The following SLC4A5 variants were observed in gnomAD, a reference collection of about 807,000 sequenced individuals.
The protein encoded by SLC4A5 is solute carrier family 4 member 5, also known as electrogenic sodium bicarbonate cotransporter 4.
SLC4A5 carries 96 observed loss-of-function variants against 120.4 expected under a neutral mutation model. The observed-to-expected ratio is 0.80, with a 90% CI of 0.68 to 0.94. The LOEUF (loss-of-function observed/expected upper bound fraction) is 0.94, where lower values mean the gene tolerates loss of function less well. Ranked by LOEUF, SLC4A5 falls within the 40% of genes least tolerant of loss-of-function variation. The pLI, the probability that SLC4A5 is intolerant of heterozygous loss-of-function variation, is 0.00. For missense variants in SLC4A5, 1,259 were observed against 1,459.5 expected, an observed-to-expected ratio of 0.86 and a Z score of 2.24; for synonymous variants, 550 against 571.1, an observed-to-expected ratio of 0.96 and a Z score of 0.53.
At chr2:74,315,015 C>T (rs1239529920) in exon 6 of SLC4A5, 4 of 1,613,572 alleles carry the variant, frequency 2.5e-6, no homozygotes, top group South Asian at 2.2e-5. Flanking sequence ...TCTCCTCCTT[C>T]ACCTTCATGA....
rs1217047272 is a variant in SLC4A5 at position 74,267,422 on chromosome 2, ACATCAATT to A, written c.402-2166_402-2159del. Among the ~76,000 whole-genome samples the A allele has an allele frequency of 3.9e-5, 6 of 152,386 alleles. No individual in the cohort carries two copies. The East Asian group carries it at 1.2e-3, about 29-fold the overall frequency. On this transcript the variant is annotated intron_variant, in intron 8 of 30. Coordinates refer to ENST00000394019, the Ensembl canonical transcript of SLC4A5. Reference sequence around the variant, plus strand: ...CCAGGTTTTCAGTAGAAGCATGATTACATCAATTCTGTATGTCCATGTTGTGGAATATC... The same window carrying A: ...CCAGGTTTTCAGTAGAAGCATGATTACTGTATGTCCATGTTGTGGAATATC...
intron 4 of SLC4A5, among the ~76,000 whole-genome samples, chr2:74,330,796 GGCA>G (rs1208244902): frequency 1.3e-5 from 2 of 150,472 alleles, no homozygotes. Context: ...TCTAGATGGA[GGCA>G]GTGAGGTCTA....
At chr2:74,252,627 C>T (rs926563829) in intron 15 of SLC4A5, among the ~76,000 whole-genome samples, 5 of 152,172 alleles carry the variant, frequency 3.3e-5, no homozygotes, top group African/African-American at 1.2e-4. Context: ...AACTCTGTTG[C>T]CCAGGCTGGA....
chr2:74,304,813 T>C lies in SLC4A5; in HGVS notation c.80-133A>G, dbSNP rs573577185. On this transcript the variant is annotated intron_variant, in intron 6 of 30. Coordinates refer to ENST00000394019, the Ensembl canonical transcript of SLC4A5. ...GACATGGAGTGCCAGGATGGGGTCA[T>C]TGCCCTGAGGCTTGGGTTTGACCAA... 181 of 850,864 alleles carry C rather than the reference T, an allele frequency of 2.1e-4. 1 individual carries two copies. The African/African-American group carries it at 2.6e-3, about 12-fold the overall frequency. 52.7% of individuals were successfully genotyped at this position (850,864 alleles called of 1,614,324 possible).
At chr2:74,239,491 G>A in exon 21 of SLC4A5, 2 of 1,614,054 alleles carry the variant, frequency 1.2e-6, no homozygotes, top group Non-Finnish European at 1.7e-6. Flanking sequence ...ACTCCTTCTT[G>A]CTCAGCAGGG....
intron 6 of SLC4A5, chr2:74,307,135 TC>T (rs1672668382): frequency 3.6e-6 from 2 of 554,384 alleles, no homozygotes; most frequent in Admixed American, 4.6e-5. Flanking sequence ...TTCATGAGCA[TC>T]ATCTCAGCAG....
chr2:74,258,563 C>T (rs1226485067), intron 12 of SLC4A5, among the ~76,000 whole-genome samples: 1 of 152,244 alleles, frequency 6.6e-6, no homozygotes, highest in African/African-American at 2.4e-5. Flanking sequence ...TCCTAAATTA[C>T]TTCCAAGTTA....
intron 21 of SLC4A5, among the ~76,000 whole-genome samples, chr2:74,236,008 TC>T (rs1251486873): frequency 6.6e-6 from 1 of 152,176 alleles, no homozygotes; most frequent in Non-Finnish European, 1.5e-5. Flanking sequence ...ATTCCCTGCA[TC>T]CCCCTTTTCT....
intron 8 of SLC4A5, among the ~76,000 whole-genome samples, chr2:74,274,374 T>C (rs1045059879): frequency 2.0e-5 from 3 of 152,142 alleles, no homozygotes; most frequent in African/African-American, 7.2e-5. Flanking sequence ...TCATGCTACA[T>C]AAAATCACAT....
At chr2:74,244,247 C>T (rs78252456) in intron 19 of SLC4A5, among the ~76,000 whole-genome samples, 5,950 of 152,216 alleles carry the variant, frequency 0.039, 268 homozygotes, top group Admixed American at 0.14. Context: ...TGGTCAATAA[C>T]GGCCCATTAT....
At chr2:74,235,043 G>T (rs547841220) in intron 22 of SLC4A5, 58 bp downstream of exon 22, 10 of 1,348,136 alleles carry the variant, frequency 7.4e-6, no homozygotes, top group South Asian at 1.2e-5. Context: ...AGAGGGGAAA[G>T]AATCTGCAGC....
At chr2:74,270,206 T>C (rs924010771) in intron 8 of SLC4A5, among the ~76,000 whole-genome samples, 8 of 152,218 alleles carry the variant, frequency 5.3e-5, no homozygotes, top group African/African-American at 1.9e-4. Context: ...ATCCAGATGT[T>C]GAACCATTAA....
exon 8 of SLC4A5, chr2:74,285,881 A>AGCT: frequency 1.2e-5 from 20 of 1,608,824 alleles, no homozygotes; most frequent in Non-Finnish European, 1.7e-5. Context: ...GATGTCCTGG[A>AGCT]GCTGCTCAGC....
intron 24 of SLC4A5, among the ~76,000 whole-genome samples, chr2:74,231,682 T>C (rs1283134096): frequency 1.3e-5 from 2 of 152,208 alleles, no homozygotes; most frequent in African/African-American, 4.8e-5. Flanking sequence ...GCACCTATTG[T>C]GAGGATACAT....
chr2:74,303,364 C>T (rs1032597301), intron 7 of SLC4A5, among the ~76,000 whole-genome samples: 6 of 152,090 alleles, frequency 3.9e-5, no homozygotes, highest in East Asian at 1.9e-4. Context: ...CAGTCACTGC[C>T]TCTGACACTC....
intron 7 of SLC4A5, chr2:74,290,519 T>C (rs1480887934): frequency 9.1e-6 from 9 of 984,334 alleles, no homozygotes; most frequent in Non-Finnish European, 1.1e-5. Flanking sequence ...GTGTGGTAAG[T>C]GTAAGTGTGA....
At chr2:74,237,123 C>T (rs900614586) in intron 21 of SLC4A5, among the ~76,000 whole-genome samples, 2 of 151,888 alleles carry the variant, frequency 1.3e-5, no homozygotes, top group African/African-American at 2.4e-5. Flanking sequence ...ACTACAGGCG[C>T]CCACCACAAC....
chr2:74,256,069 G>GT lies in SLC4A5; in HGVS notation c.868-138dup. 2 of 919,768 alleles carry GT rather than the reference G, an allele frequency of 2.2e-6. 1 individual carries two copies. Among genetic ancestry groups the GT allele is most frequent in the Non-Finnish European group, 3.2e-6 (2 of 616,366 alleles). 57.0% of individuals were successfully genotyped at this position (919,768 alleles called of 1,614,324 possible). A position where few individuals can be genotyped will look rare whatever the true frequency, so the allele number is the denominator to read the frequency against. On this transcript the variant is annotated intron_variant, in intron 12 of 30. Transcript: ENST00000394019. ...GCCAAGAGACTGAAAGAATAAATAA[G>GT]TACTCCTCCGATTCTGCAGATGGGG...
chr2:74,290,637 GAGAGAGAGAGAGAAGTGAGCA>G, intron 7 of SLC4A5: 9 of 982,372 alleles, frequency 9.2e-6, no homozygotes, highest in African/African-American at 1.8e-5. Context: ...GAGAGAGAGA[GAGAGAGAGAGAGAAGTGAGCA>G]AGAGAGAGAG....
Sources: allele counts gnomAD v4.1 joint callset (sites outside exome capture counted in the v4.1 genomes callset), GRCh38; gene constraint gnomAD v4.1.1; transcripts MANE v1.5; gene names NCBI Gene and HGNC (gene_info 2026-07-23, HGNC 2026-07-21).